IMMP2L: variants seen among roughly 807,000 people sequenced by gnomAD.
The protein encoded by IMMP2L is inner mitochondrial membrane peptidase subunit 2, also known as mitochondrial inner membrane protease subunit 2.
A neutral mutation model predicts 19.3 loss-of-function variants in IMMP2L; 18 were observed. The ratio of observed to expected loss-of-function variants is 0.93; its 90% CI spans 0.64 to 1.38. The LOEUF (loss-of-function observed/expected upper bound fraction) is 1.38. Among genes scored for constraint, IMMP2L ranks in the 40% most tolerant of loss-of-function variants. The pLI is 0.00. For synonymous variants in IMMP2L, 76 were observed against 73.0 expected, an observed-to-expected ratio of 1.04 and a Z score of -0.21; for missense variants, 233 against 218.2, an observed-to-expected ratio of 1.07 and a Z score of -0.43.
intron 3 of IMMP2L, among the ~76,000 whole-genome samples, chr7:111,378,056 G>A (rs554297358): frequency 6.6e-6 from 1 of 151,900 alleles, no homozygotes; most frequent in South Asian, 2.1e-4. Flanking sequence ...CTTGGTAGCT[G>A]AAGATCGTGT....
intron 3 of IMMP2L, among the ~76,000 whole-genome samples, chr7:111,102,339 A>G (rs1345240793): frequency 6.6e-6 from 1 of 151,468 alleles, no homozygotes; most frequent in Non-Finnish European, 1.5e-5. Context: ...TCAACCCTAT[A>G]GAGAAACTCA....
intron 3 of IMMP2L, among the ~76,000 whole-genome samples, chr7:110,998,050 T>G (rs1278994679): frequency 6.6e-6 from 1 of 152,168 alleles, no homozygotes; most frequent in Non-Finnish European, 1.5e-5. Context: ...TGTATCATTA[T>G]TCTTAATAGA....
At chr7:111,079,462 AT>A (rs748273063) in intron 3 of IMMP2L, among the ~76,000 whole-genome samples, 1 of 152,132 alleles carries the variant, frequency 6.6e-6, no homozygotes, top group Non-Finnish European at 1.5e-5. Context: ...ACAAATTGGC[AT>A]TTACTTATAT....
intron 3 of IMMP2L, among the ~76,000 whole-genome samples, chr7:111,445,900 G>A (rs923899585): frequency 1.5e-4 from 23 of 152,196 alleles, no homozygotes; most frequent in South Asian, 2.1e-4. Context: ...CCTGGGAAGC[G>A]CAAGGGGTCA....
In IMMP2L at chr7:111,399,330, T is replaced by A. The variant is rs1031084106; in HGVS notation, c.239+87908A>T. 3.3e-5 allele frequency among the ~76,000 whole-genome samples: 5 copies of A among 152,074 alleles called. No individual in the cohort carries two copies. In the East Asian group the frequency reaches 9.7e-4, roughly 30 times the overall value. ...TAGAGAACCCAGAAATAAACCCAAA[T>A]ACATACAGCCAATTGGTCTTCAACA... is the stretch of plus-strand genomic sequence containing the variant. On this transcript the variant is annotated intron_variant, in intron 3 of 5. Transcript: ENST00000405709.
chr7:110,839,499 C>A (rs1214781474), intron 5 of IMMP2L, among the ~76,000 whole-genome samples: 1 of 152,032 alleles, frequency 6.6e-6, no homozygotes, highest in Admixed American at 6.6e-5. Context: ...TAGTCCTTAA[C>A]AACTGCCTCC....
intron 3 of IMMP2L, among the ~76,000 whole-genome samples, chr7:111,115,524 G>A (rs1799773263): frequency 6.6e-6 from 1 of 151,828 alleles, no homozygotes; most frequent in Non-Finnish European, 1.5e-5. Flanking sequence ...CCCCCCCTCT[G>A]TAAAAGAAAA....
At chr7:111,476,171 A>G (rs551988248) in intron 3 of IMMP2L, among the ~76,000 whole-genome samples, 35 of 152,292 alleles carry the variant, frequency 2.3e-4, no homozygotes, top group African/African-American at 8.2e-4. Flanking sequence ...TAACCTGTGC[A>G]GGGTCACTCA....
intron 5 of IMMP2L, among the ~76,000 whole-genome samples, chr7:110,716,732 C>G (rs1023407572): frequency 1.3e-5 from 2 of 152,034 alleles, no homozygotes; most frequent in Non-Finnish European, 2.9e-5. Context: ...CCCAGTATTT[C>G]TGGTAAAGAA....
At chr7:111,559,516 T>C (rs1415808864) in intron 1 of IMMP2L, among the ~76,000 whole-genome samples, 1 of 152,120 alleles carries the variant, frequency 6.6e-6, no homozygotes, top group Non-Finnish European at 1.5e-5. Context: ...TCCAAGGCTG[T>C]GGAATGATCT....
chr7:111,011,713 G>C (rs550041733), intron 3 of IMMP2L, among the ~76,000 whole-genome samples: 1 of 152,272 alleles, frequency 6.6e-6, no homozygotes, highest in East Asian at 1.9e-4. Flanking sequence ...GTGTCAGTGA[G>C]TGTTTTCTCT....
At chr7:111,466,791 C>T (rs1161860376) in intron 3 of IMMP2L, among the ~76,000 whole-genome samples, 1 of 152,028 alleles carries the variant, frequency 6.6e-6, no homozygotes, top group Non-Finnish European at 1.5e-5. Flanking sequence ...GACATTTTTT[C>T]CCTCTTATTA....
At chr7:111,228,826 AAGG>A (rs1813391429) in intron 3 of IMMP2L, among the ~76,000 whole-genome samples, 1 of 152,010 alleles carries the variant, frequency 6.6e-6, no homozygotes, top group East Asian at 1.9e-4. Context: ...TCTTAGGTGA[AAGG>A]TATTTTACAA....
chr7:110,910,587 T>C (rs1812951230), intron 4 of IMMP2L, among the ~76,000 whole-genome samples: 1 of 152,138 alleles, frequency 6.6e-6, no homozygotes, highest in Non-Finnish European at 1.5e-5. Flanking sequence ...TATCATATTA[T>C]TACATGTTAG....
intron 3 of IMMP2L, among the ~76,000 whole-genome samples, chr7:111,481,237 T>G (rs577303078): frequency 1.3e-5 from 2 of 152,174 alleles, no homozygotes; most frequent in South Asian, 4.1e-4. Flanking sequence ...ACTACAGAAA[T>G]GGGAGTAAAA....
intron 3 of IMMP2L, among the ~76,000 whole-genome samples, chr7:111,397,505 C>G (rs1791957753): frequency 6.6e-6 from 1 of 152,088 alleles, no homozygotes; most frequent in Non-Finnish European, 1.5e-5. Context: ...TAAATACTGT[C>G]AAGCCTTTTG....
chr7:111,319,605 T>C (rs1824465707), intron 3 of IMMP2L, among the ~76,000 whole-genome samples: 1 of 152,092 alleles, frequency 6.6e-6, no homozygotes, highest in Non-Finnish European at 1.5e-5. Flanking sequence ...TTTTATATGT[T>C]TGGTTTCAAA....
At chr7:111,504,581 G>C (rs929217893) in intron 2 of IMMP2L, among the ~76,000 whole-genome samples, 21 of 151,986 alleles carry the variant, frequency 1.4e-4, no homozygotes, top group African/African-American at 3.6e-4. Context: ...ATACTACAAG[G>C]CTACAGTAAC....
At chr7:111,210,652 C>T (rs1272646017) in intron 3 of IMMP2L, among the ~76,000 whole-genome samples, 2 of 152,000 alleles carry the variant, frequency 1.3e-5, no homozygotes, top group South Asian at 2.1e-4. Flanking sequence ...AAAAATACTA[C>T]ATCTGCCTAC....
Sources: allele counts gnomAD v4.1 joint callset (sites outside exome capture counted in the v4.1 genomes callset), GRCh38; gene constraint gnomAD v4.1.1; transcripts MANE v1.5; gene names NCBI Gene and HGNC (gene_info 2026-07-23, HGNC 2026-07-21).